PDK1: variants seen among roughly 807,000 people sequenced by gnomAD.
PDK1 encodes the protein pyruvate dehydrogenase kinase 1.
A neutral mutation model predicts 54.2 loss-of-function variants in PDK1; 39 were observed. That is an observed-to-expected ratio of 0.72 (90% CI 0.56 to 0.94). The LOEUF is 0.94. Ranked by LOEUF, PDK1 falls within the 40% of genes least tolerant of loss-of-function variation. The pLI is 0.00. For missense variants in PDK1, 552 were observed against 566.0 expected, an observed-to-expected ratio of 0.98 and a Z score of 0.25; for synonymous variants, 221 against 207.1, an observed-to-expected ratio of 1.07 and a Z score of -0.58.
chr2:172,642,097 A>T, the PDK1 span, among the ~76,000 whole-genome samples: 3 of 152,182 alleles, frequency 2.0e-5, no homozygotes, highest in Non-Finnish European at 4.4e-5. Flanking sequence ...ATTTTTGGAG[A>T]TTAGATTTCC....
the PDK1 span, among the ~76,000 whole-genome samples, chr2:172,721,016 C>T: frequency 2.0e-5 from 3 of 152,174 alleles, no homozygotes; most frequent in African/African-American, 4.8e-5. Flanking sequence ...TCTGTGGCTC[C>T]CAGACAAACC....
chr2:172,566,397 A>G (rs1176394008), intron 5 of PDK1, among the ~76,000 whole-genome samples: 1 of 152,142 alleles, frequency 6.6e-6, no homozygotes, highest in Non-Finnish European at 1.5e-5. Flanking sequence ...TGTACTGAAA[A>G]TACAAAAATT....
chr2:172,637,779 T>A, the PDK1 span, among the ~76,000 whole-genome samples: 11 of 152,252 alleles, frequency 7.2e-5, no homozygotes, highest in East Asian at 2.1e-3. Flanking sequence ...CACTGCAACC[T>A]CCACCGCCCA....
the PDK1 span, among the ~76,000 whole-genome samples, chr2:172,619,181 G>A: frequency 2.0e-5 from 3 of 152,160 alleles, no homozygotes; most frequent in Admixed American, 2.0e-4. Context: ...GGAGAGCAGG[G>A]CCTTGTGAGG....
intron 8 of PDK1, among the ~76,000 whole-genome samples, chr2:172,575,013 A>G (rs1411630565): frequency 6.6e-6 from 1 of 151,952 alleles, no homozygotes; most frequent in Non-Finnish European, 1.5e-5. Context: ...TTTCATAGAT[A>G]CCCTTTATCA....
chr2:172,608,420 CAGA>C lies in PDK1; in HGVS notation c.*12457_*12459del, dbSNP rs1232640254. 6.6e-6 allele frequency: 1 copy of C among 151,612 alleles called. No individual in the cohort carries two copies. Among genetic ancestry groups the C allele is most frequent in the East Asian group, 1.9e-4 (1 of 5,178 alleles). The allele number at this position is 151,612 out of a possible 1,614,324, so 9.4% of individuals were successfully genotyped here. A position where few individuals can be genotyped will look rare whatever the true frequency, so the allele number is the denominator to read the frequency against. On this transcript the variant is annotated 3_prime_UTR_variant, in exon 11 of 11. Coordinates refer to ENST00000282077, the MANE Select transcript of PDK1 (RefSeq NM_002610.5). ...ATGTTATTTGCAATGTCCATAAACT[CAGA>C]AGAAGTTAGTATTAACGGGGATATG... is the stretch of plus-strand genomic sequence containing the variant.
rs763810546 is a variant in PDK1 at position 172,564,513 on chromosome 2, A to T, written c.421A>T (p.Thr141Ser). 6.2e-7 allele frequency: 1 copy of T among 1,612,452 alleles called. No homozygotes were observed. The highest frequency in any genetic ancestry group is 1.1e-5 in the South Asian group (1 of 90,908). The change falls in exon 4 of 11, where the codon ACT becomes TCT. Residue 141 changes from threonine (T) to serine (S), a missense_variant. Coordinates refer to ENST00000282077, the MANE Select transcript of PDK1 (RefSeq NM_002610.5). ...GATGGGTTTGTTTAGCTTTACAGAT[A>T]CTGTGATACGGATCAGAAACCGACA... ...DAKAIYDFTDTVIRIRNRHND... is the reference protein window; with the variant it reads ...DAKAIYDFTDSVIRIRNRHND...
chr2:172,708,903 G>A, the PDK1 span, among the ~76,000 whole-genome samples: 1 of 152,142 alleles, frequency 6.6e-6, no homozygotes, highest in African/African-American at 2.4e-5. Context: ...GCATCATGTT[G>A]GTGTTCAGCA....
the PDK1 span, among the ~76,000 whole-genome samples, chr2:172,678,042 G>A: frequency 1.3e-5 from 2 of 152,048 alleles, no homozygotes; most frequent in South Asian, 2.1e-4. Flanking sequence ...GGTGGTGGGC[G>A]CCTGTAAATC....
chr2:172,649,480 ATGACTT>A, the PDK1 span, among the ~76,000 whole-genome samples: 2 of 152,242 alleles, frequency 1.3e-5, no homozygotes, highest in African/African-American at 4.8e-5. Flanking sequence ...TGGGTGGAGA[ATGACTT>A]TGACGAGTTG....
rs1370067399 is a variant in PDK1, at chr2:172,587,664, G to GTGGGGGCCTGCTTTTATTCACTTATC, written c.1056+1280_1056+1305dup. 1.0e-2 allele frequency among the ~76,000 whole-genome samples: 1,517 copies of GTGGGGGCCTGCTTTTATTCACTTATC among 152,296 alleles called. 15 individuals are homozygous for GTGGGGGCCTGCTTTTATTCACTTATC. Among genetic ancestry groups the GTGGGGGCCTGCTTTTATTCACTTATC allele is most frequent in the Non-Finnish European group, 0.015 (1,003 of 68,010 alleles). The stretch of plus-strand genomic sequence containing the variant: ...CCAGAGTGGCTTGCCGCTGCTGGCT[G>GTGGGGGCCTGCTTTTATTCACTTATC]TGGGGGCCTGCTTTTATTCACTTAT... On this transcript the variant is annotated intron_variant, in intron 9 of 10. Transcript: ENST00000282077.
At chr2:172,622,607 T>G in the PDK1 span, among the ~76,000 whole-genome samples, 5 of 148,394 alleles carry the variant, frequency 3.4e-5, no homozygotes, top group African/African-American at 1.2e-4. Context: ...TCTCATATAT[T>G]ATGTGAGATA....
At chr2:172,640,095 C>T in the PDK1 span, among the ~76,000 whole-genome samples, 7 of 152,202 alleles carry the variant, frequency 4.6e-5, no homozygotes, top group East Asian at 5.8e-4. Flanking sequence ...ACCATAAAGC[C>T]GAAGAAATAT....
At position 172,604,105 on chromosome 2, in the gene PDK1, G is replaced by C. The variant is rs1010698920; in HGVS notation, c.*8136G>C. The C allele has an allele frequency of 1.3e-5, 2 of 152,198 alleles. No individual in the cohort carries two copies. The highest frequency in any genetic ancestry group is 2.4e-5 in the African/African-American group (1 of 41,450). 9.4% of individuals were successfully genotyped at this position (152,198 alleles called of 1,614,324 possible). ...TTTTTTGGCGGGGGGTGAGGACAGA[G>C]TCTTGCTCTGAGATTACCCAGGCTG... On this transcript the variant is annotated 3_prime_UTR_variant, in exon 11 of 11. Transcript: ENST00000282077.
At chr2:172,654,287 A>G in the PDK1 span, among the ~76,000 whole-genome samples, 1 of 152,234 alleles carries the variant, frequency 6.6e-6, no homozygotes, top group Non-Finnish European at 1.5e-5. Context: ...CCAAAGGATT[A>G]TAAATCTTGC....
At chr2:172,720,116 C>CTTTTTT in the PDK1 span, among the ~76,000 whole-genome samples, 1 of 116,728 alleles carries the variant, frequency 8.6e-6, no homozygotes, top group African/African-American at 3.2e-5. Flanking sequence ...CTCTCTCTCT[C>CTTTTTT]TTTTTTTTTT....
At chr2:172,585,770 GT>G (rs1371586652) in intron 8 of PDK1, among the ~76,000 whole-genome samples, 1 of 152,168 alleles carries the variant, frequency 6.6e-6, no homozygotes, top group Non-Finnish European at 1.5e-5. Flanking sequence ...TTATGATGGA[GT>G]TTATGTATTA....
the PDK1 span, among the ~76,000 whole-genome samples, chr2:172,683,055 C>T: frequency 1.3e-5 from 2 of 151,866 alleles, no homozygotes; most frequent in African/African-American, 2.4e-5. Context: ...TTTTAAAAAA[C>T]GTATAAAGAG....
chr2:172,669,374 A>C, the PDK1 span, among the ~76,000 whole-genome samples: 2 of 152,358 alleles, frequency 1.3e-5, no homozygotes, highest in East Asian at 3.9e-4. Flanking sequence ...AAAGCTGAAT[A>C]GTATTCCATC....
Sources: gnomAD v4.1 joint callset for allele counts (sites outside exome capture counted in the v4.1 genomes callset) on GRCh38, gnomAD v4.1.1 for gene constraint, MANE v1.5 for transcripts, NCBI Gene and HGNC (gene_info 2026-07-23, HGNC 2026-07-21) for gene names.